The following TASP1 variants were observed in gnomAD, a reference collection of about 807,000 sequenced individuals.
The protein encoded by TASP1 is taspase 1.
A neutral mutation model predicts 56.6 loss-of-function variants in TASP1; 16 were observed. The observed-to-expected ratio is 0.28, with a 90% CI of 0.19 to 0.43. TASP1 has a LOEUF of 0.43. Ranked by LOEUF, TASP1 falls within the 20% of genes least tolerant of loss-of-function variation. The probability of loss-of-function intolerance (pLI) is 1.00; values close to 1 mark genes in which losing one functional copy is unlikely to be tolerated. For synonymous variants in TASP1, 179 were observed against 184.2 expected (o/e 0.97, Z 0.23); for missense variants, 393 against 511.6 (o/e 0.77, Z 2.24).
At chr20:13,529,688 T>C (rs956479363) in intron 9 of TASP1, among the ~76,000 whole-genome samples, 2 of 152,216 alleles carry the variant, frequency 1.3e-5, no homozygotes, top group Admixed American at 6.5e-5. Context: ...CTGCCACTGA[T>C]GGAGGAAAAA....
At chr20:13,559,262 G>A in intron 7 of TASP1, 148 bp from the exon 8 acceptor site, 1 of 428,062 alleles carries the variant, frequency 2.3e-6, no homozygotes, top group South Asian at 7.0e-5. Flanking sequence ...ATGTATACAG[G>A]GATAGTAGGA....
intron 13 of TASP1, among the ~76,000 whole-genome samples, chr20:13,391,750 G>C (rs533729827): frequency 1.6e-4 from 24 of 151,954 alleles, no homozygotes; most frequent in Admixed American, 1.4e-3. Flanking sequence ...GGCAGATCAC[G>C]AGGTCAGGAG....
intron 10 of TASP1, among the ~76,000 whole-genome samples, chr20:13,493,307 G>C (rs1485818487): frequency 6.6e-6 from 1 of 152,186 alleles, no homozygotes; most frequent in Non-Finnish European, 1.5e-5. Flanking sequence ...GGTGCTGCCA[G>C]AGGAGACTGA....
At chr20:13,293,833 G>T in the TASP1 span, among the ~76,000 whole-genome samples, 4 of 152,052 alleles carry the variant, frequency 2.6e-5, no homozygotes, top group Non-Finnish European at 5.9e-5. Context: ...AATTAGCTGG[G>T]CTTGGTGGCA....
At chr20:13,364,254 T>G in the TASP1 span, among the ~76,000 whole-genome samples, 1 of 152,200 alleles carries the variant, frequency 6.6e-6, no homozygotes, top group South Asian at 2.1e-4. Context: ...TACCTTTATT[T>G]AAATAAAGAA....
At chr20:13,368,043 T>C in the TASP1 span, among the ~76,000 whole-genome samples, 1 of 152,194 alleles carries the variant, frequency 6.6e-6, no homozygotes, top group South Asian at 2.1e-4. Context: ...TCTTTAATAT[T>C]TTCACAAATA....
At chr20:13,566,425 C>T (rs2046531526) in intron 7 of TASP1, among the ~76,000 whole-genome samples, 2 of 151,174 alleles carry the variant, frequency 1.3e-5, no homozygotes, top group African/African-American at 2.4e-5. Context: ...TGGAAACAAC[C>T]CAGACATAAA....
chr20:13,294,285 A>G, the TASP1 span, among the ~76,000 whole-genome samples: 4 of 152,248 alleles, frequency 2.6e-5, no homozygotes, highest in Non-Finnish European at 1.5e-5. Flanking sequence ...CAGTGTCGCT[A>G]GGGCCTCTAC....
chr20:13,581,249 AAAT>A (rs1162571855), intron 5 of TASP1, among the ~76,000 whole-genome samples: 2 of 152,214 alleles, frequency 1.3e-5, no homozygotes, highest in African/African-American at 4.8e-5. Flanking sequence ...GGCTGAATTG[AAAT>A]ACTACATATT....
intron 10 of TASP1, among the ~76,000 whole-genome samples, chr20:13,515,084 A>C (rs2044472055): frequency 1.3e-5 from 2 of 152,100 alleles, no homozygotes; most frequent in Non-Finnish European, 2.9e-5. Flanking sequence ...GCATCTTTTC[A>C]AGTTAGCAGT....
the TASP1 span, among the ~76,000 whole-genome samples, chr20:13,157,970 T>C: frequency 1.3e-5 from 2 of 152,232 alleles, no homozygotes; most frequent in Non-Finnish European, 2.9e-5. Flanking sequence ...TGTAGCCAGT[T>C]ATCCTTTTGA....
At chr20:13,487,284 C>A (rs2043356243) in intron 10 of TASP1, among the ~76,000 whole-genome samples, 1 of 152,142 alleles carries the variant, frequency 6.6e-6, no homozygotes, top group African/African-American at 2.4e-5. Context: ...GCGTACACAG[C>A]AGTTGGCAGG....
intron 1 of TASP1, among the ~76,000 whole-genome samples, chr20:13,632,798 G>C (rs2049147073): frequency 6.6e-6 from 1 of 151,980 alleles, no homozygotes; most frequent in Non-Finnish European, 1.5e-5. Flanking sequence ...ACTCATTAAA[G>C]GTCTGACATC....
chr20:13,606,083 G>C (rs1233061833), intron 4 of TASP1, among the ~76,000 whole-genome samples: 1 of 152,142 alleles, frequency 6.6e-6, no homozygotes, highest in Non-Finnish European at 1.5e-5. Context: ...TTTGGTGAGA[G>C]ATTTCTAGTG....
intron 1 of TASP1, among the ~76,000 whole-genome samples, chr20:13,638,437 A>C (rs894675172): frequency 1.3e-5 from 2 of 151,076 alleles, no homozygotes; most frequent in African/African-American, 4.9e-5. Context: ...CCTCCCCCTG[A>C]GTAGTAAGTG....
chr20:13,546,948 G>C (rs577550770), intron 8 of TASP1, among the ~76,000 whole-genome samples: 3 of 152,058 alleles, frequency 2.0e-5, no homozygotes, highest in Non-Finnish European at 4.4e-5. Flanking sequence ...TTAGTTTTTA[G>C]ACTAATGCAT....
chr20:13,501,698 T>C (rs1047294382), intron 10 of TASP1, among the ~76,000 whole-genome samples: 19 of 151,974 alleles, frequency 1.3e-4, no homozygotes, highest in Non-Finnish European at 2.5e-4. Context: ...GACTAAATAC[T>C]CCATGTAAAA....
chr20:13,249,820 GTTTTGTTTTGTTTT>G, the TASP1 span, among the ~76,000 whole-genome samples: 1 of 140,540 alleles, frequency 7.1e-6, no homozygotes, highest in African/African-American at 2.7e-5. Context: ...GTTTTGTTTT[GTTTTGTTTTGTTTT>G]GTTTCCTGGC....
At chr20:13,538,188 T>C (rs998247499) in intron 8 of TASP1, among the ~76,000 whole-genome samples, 3 of 151,924 alleles carry the variant, frequency 2.0e-5, no homozygotes, top group Admixed American at 6.6e-5. Flanking sequence ...ATTTTTAGTA[T>C]AGACACAGTT....
Sources: allele counts gnomAD v4.1 joint callset (sites outside exome capture counted in the v4.1 genomes callset), GRCh38; gene constraint gnomAD v4.1.1; transcripts MANE v1.5; gene names NCBI Gene and HGNC (gene_info 2026-07-23, HGNC 2026-07-21).